RBFOX3: variants seen among roughly 807,000 people sequenced by gnomAD.
RBFOX3 encodes RNA binding protein fox-1 homolog 3.
A neutral mutation model predicts 48.7 loss-of-function variants in RBFOX3; 17 were observed. The observed-to-expected ratio is 0.35, with a 90% CI of 0.24 to 0.52. RBFOX3 has a LOEUF of 0.52. RBFOX3 is among the 20% of genes least tolerant of loss of function. The pLI, the probability that RBFOX3 is intolerant of heterozygous loss-of-function variation, is 0.94. For missense variants in RBFOX3, 382 were observed against 497.5 expected (o/e 0.77, Z 2.21); for synonymous variants, 212 against 209.5 (o/e 1.01, Z -0.10).
At chr17:79,442,601 G>A (rs1289336894) in intron 2 of RBFOX3, among the ~76,000 whole-genome samples, 1 of 152,100 alleles carries the variant, frequency 6.6e-6, no homozygotes, top group Non-Finnish European at 1.5e-5. Context: ...GAGCCACCTA[G>A]GACTCTGCTA....
intron 1 of RBFOX3, among the ~76,000 whole-genome samples, chr17:79,608,931 C>G (rs2093904244): frequency 6.6e-6 from 1 of 151,658 alleles, no homozygotes; most frequent in East Asian, 2.0e-4. Context: ...CCTCCGCCCC[C>G]GCCATGCCGC....
chr17:79,294,513 T>C (rs2073985287), intron 3 of RBFOX3, among the ~76,000 whole-genome samples: 1 of 152,100 alleles, frequency 6.6e-6, no homozygotes, highest in Non-Finnish European at 1.5e-5. Flanking sequence ...GGTTTCACCA[T>C]TTTGGCCAGA....
chr17:79,509,633 C>T (rs1347022555), intron 1 of RBFOX3, among the ~76,000 whole-genome samples: 5 of 152,166 alleles, frequency 3.3e-5, no homozygotes, highest in South Asian at 4.1e-4. Flanking sequence ...ATGGCAGGGT[C>T]GGCGCCTGGG....
intron 2 of RBFOX3, among the ~76,000 whole-genome samples, chr17:79,432,976 C>T (rs2068738893): frequency 6.6e-6 from 1 of 152,160 alleles, no homozygotes; most frequent in Admixed American, 6.5e-5. Context: ...TCTCTTGCTC[C>T]CCCTACCCCA....
At chr17:79,405,642 A>G (rs1360386201) in intron 2 of RBFOX3, among the ~76,000 whole-genome samples, 1 of 152,060 alleles carries the variant, frequency 6.6e-6, no homozygotes. Flanking sequence ...AATCGCTTGA[A>G]CCCAAGAGGC....
intron 1 of RBFOX3, among the ~76,000 whole-genome samples, chr17:79,542,928 T>C (rs1555790763): frequency 6.6e-6 from 1 of 152,214 alleles, no homozygotes; most frequent in East Asian, 1.9e-4. Flanking sequence ...GCTTTGTCCA[T>C]GTGCTGGGTC....
intron 2 of RBFOX3, among the ~76,000 whole-genome samples, chr17:79,414,652 C>G (rs978170091): frequency 1.3e-5 from 2 of 152,234 alleles, no homozygotes; most frequent in East Asian, 1.9e-4. Flanking sequence ...AAAGACAGGT[C>G]TGGGAGGTCC....
chr17:79,090,925 G>C (rs1249290212), intron 14 of RBFOX3, 40 bp from the exon 15 acceptor site: 2 of 1,534,194 alleles, frequency 1.3e-6, no homozygotes, highest in African/African-American at 2.8e-5. Flanking sequence ...CAGCTTCTCG[G>C]GGGAGGCACA....
At chr17:79,512,111 G>A (rs2084375614) in intron 1 of RBFOX3, among the ~76,000 whole-genome samples, 1 of 130,012 alleles carries the variant, frequency 7.7e-6, no homozygotes, top group Non-Finnish European at 1.6e-5. Context: ...CATGGCCAGG[G>A]GACACCCACC....
chr17:79,333,000 C>T (rs2080628238), intron 2 of RBFOX3, among the ~76,000 whole-genome samples: 1 of 146,336 alleles, frequency 6.8e-6, no homozygotes, highest in African/African-American at 2.5e-5. Flanking sequence ...GAGAGAGAAA[C>T]AGAGGAAGAG....
intron 2 of RBFOX3, among the ~76,000 whole-genome samples, chr17:79,469,150 C>A (rs1049884171): frequency 1.0e-4 from 15 of 146,248 alleles, no homozygotes; most frequent in Middle Eastern, 3.5e-3. Context: ...AGGGAAAAAA[C>A]CCCTATATTT....
chr17:79,527,896 G>T (rs2087010444), intron 1 of RBFOX3, among the ~76,000 whole-genome samples: 1 of 152,186 alleles, frequency 6.6e-6, no homozygotes, highest in African/African-American at 2.4e-5. Context: ...AGAGGCCGAT[G>T]GAGTCCTTGC....
rs2056185598 is a variant in RBFOX3 at position 79,198,647 on chromosome 17, A to G, written c.-34+37119T>C. On this transcript the variant is annotated intron_variant, in intron 4 of 14. Coordinates refer to ENST00000693108, the MANE Select transcript of RBFOX3 (RefSeq NM_001350451.2). This position sits in a 1 kb window ranked among gnomAD's most constrained non-coding sequence, Gnocchi z 8.2. Reference sequence around the variant, plus strand: ...CTCTCTCTCTTTTTTTTTTTTTAAGATGGAGTCTTGCTCTGTCACTCAAGC... The same window carrying G: ...CTCTCTCTCTTTTTTTTTTTTTAAGGTGGAGTCTTGCTCTGTCACTCAAGC... Among the ~76,000 whole-genome samples, 1 of 146,750 alleles carries G rather than the reference A, an allele frequency of 6.8e-6. No homozygotes were observed. Among genetic ancestry groups the G allele is most frequent in the Admixed American group, 6.8e-5 (1 of 14,756 alleles).
chr17:79,428,675 A>G (rs1422364425), intron 2 of RBFOX3, among the ~76,000 whole-genome samples: 1 of 152,168 alleles, frequency 6.6e-6, no homozygotes, highest in Non-Finnish European at 1.5e-5. Context: ...CCCTGCTGAT[A>G]GAAGCCATGG....
the RBFOX3 span, among the ~76,000 whole-genome samples, chr17:79,653,510 T>C: frequency 1.8e-3 from 276 of 152,326 alleles, no homozygotes; most frequent in African/African-American, 6.5e-3. Context: ...TTAACGAAGA[T>C]TGAGGTTTCA....
At position 79,402,785 on chromosome 17, in the gene RBFOX3, G is replaced by C. The variant is rs115844391; in HGVS notation, c.-175+79669C>G. 7.6e-3 allele frequency among the ~76,000 whole-genome samples: 1,161 copies of C among 152,268 alleles called. 15 individuals are homozygous for C. Among genetic ancestry groups the C allele is most frequent in the African/African-American group, 0.026 (1,099 of 41,544 alleles). On this transcript the variant is annotated intron_variant, in intron 2 of 14. Transcript: ENST00000693108. ...TGGAGTTGGACAGCCCGGGGTCAGA[G>C]CCAGTGCACCCTCTGCCTCTGACCC...
intron 5 of RBFOX3, among the ~76,000 whole-genome samples, chr17:79,115,243 C>A (rs1193564154): frequency 2.0e-5 from 3 of 152,230 alleles, no homozygotes; most frequent in Non-Finnish European, 4.4e-5. Flanking sequence ...AGGTGCCCGG[C>A]CATTCCTCCA....
intron 2 of RBFOX3, among the ~76,000 whole-genome samples, chr17:79,368,089 G>C (rs574002203): frequency 6.6e-6 from 1 of 152,210 alleles, no homozygotes; most frequent in East Asian, 1.9e-4. Context: ...ATTAAGAGGC[G>C]TGGGGACAGA....
At chr17:79,356,093 C>A (rs1231843324) in intron 2 of RBFOX3, among the ~76,000 whole-genome samples, 2 of 152,168 alleles carry the variant, frequency 1.3e-5, no homozygotes, top group African/African-American at 2.4e-5. Context: ...GGGGCGTTCA[C>A]CCCAACTGAA....
Sources: allele counts gnomAD v4.1 joint callset (sites outside exome capture counted in the v4.1 genomes callset), GRCh38; gene constraint gnomAD v4.1.1; non-coding constraint Gnocchi (gnomAD v3.1); transcripts MANE v1.5; gene names NCBI Gene and HGNC (gene_info 2026-07-23, HGNC 2026-07-21).